Variants in KCTD3 observed in about 807,000 individuals in gnomAD.
The protein encoded by KCTD3 is potassium channel tetramerization domain containing 3.
A neutral mutation model predicts 85.8 loss-of-function variants in KCTD3; 41 were observed. The ratio of observed to expected loss-of-function variants is 0.48; its 90% CI spans 0.37 to 0.62. The LOEUF is 0.62. Among genes scored for constraint, KCTD3 ranks in the 20% least tolerant of loss-of-function variants. KCTD3 has a pLI of 0.00. For missense variants in KCTD3, 724 were observed against 989.9 expected (o/e 0.73, Z 3.60); for synonymous variants, 338 against 345.4 (o/e 0.98, Z 0.24).
intron 4 of KCTD3, among the ~76,000 whole-genome samples, chr1:215,576,756 G>A (rs1178949155): frequency 6.6e-6 from 1 of 151,892 alleles, no homozygotes; most frequent in African/African-American, 2.4e-5. Context: ...TTTTAGTAGA[G>A]ATGGGGTTTC....
chr1:215,618,216 T>G (rs948743527), intron 15 of KCTD3: 4 of 432,910 alleles, frequency 9.2e-6, no homozygotes, highest in Non-Finnish European at 2.0e-5. Context: ...ATACTTTGGT[T>G]TGTTTATTCC....
At chr1:215,600,147 G>GC (rs1654776802) in intron 10 of KCTD3, among the ~76,000 whole-genome samples, 1 of 152,060 alleles carries the variant, frequency 6.6e-6, no homozygotes, top group Non-Finnish European at 1.5e-5. Flanking sequence ...AAATGTTTTG[G>GC]CATTGGCTTT....
At chr1:215,615,134 T>TA (rs1655384991) in intron 15 of KCTD3, among the ~76,000 whole-genome samples, 1 of 152,186 alleles carries the variant, frequency 6.6e-6, no homozygotes, top group African/African-American at 2.4e-5. Context: ...AAGCTATAGT[T>TA]ACAAAAATAA....
intron 9 of KCTD3, among the ~76,000 whole-genome samples, chr1:215,591,514 C>T (rs931692130): frequency 6.6e-6 from 1 of 152,128 alleles, no homozygotes; most frequent in Non-Finnish European, 1.5e-5. Flanking sequence ...CATGCCACCA[C>T]GCCCAGCTAA....
In KCTD3 at chr1:215,619,311, A is replaced by T; in HGVS notation, c.1886+20A>T. The T allele has an allele frequency of 6.3e-7, 1 of 1,587,002 alleles. No individual in the cohort carries two copies. Among genetic ancestry groups the T allele is most frequent in the South Asian group, 1.1e-5 (1 of 87,852 alleles). On this transcript the variant is annotated intron_variant, in intron 17 of 17. Transcript: ENST00000259154. ...TTCTAGGTAGGTTAAAGAGTTGGGT[A>T]TTATAAACAAAATTTATTTCTTTTG...
At chr1:215,612,170 C>A (rs1655257636) in intron 15 of KCTD3, among the ~76,000 whole-genome samples, 1 of 152,046 alleles carries the variant, frequency 6.6e-6, no homozygotes, top group Non-Finnish European at 1.5e-5. Flanking sequence ...ACACAGTGAA[C>A]TTTTTTTCAT....
intron 10 of KCTD3, among the ~76,000 whole-genome samples, chr1:215,599,093 G>A (rs1003689583): frequency 2.0e-5 from 3 of 152,164 alleles, no homozygotes; most frequent in African/African-American, 7.2e-5. Context: ...ACCAGAAGAC[G>A]ACAACGGGCA....
Position 215,615,503 on chromosome 1 carries a change from C to T in KCTD3, c.1563-3383C>T, listed in dbSNP as rs1261765405. Among the ~76,000 whole-genome samples the T allele has an allele frequency of 2.0e-5, 3 of 151,986 alleles. No individual in the cohort carries two copies. The East Asian group carries it at 5.8e-4, about 29-fold the overall frequency. ...GGCGTGGTGGCGGGTGCCTGTAGTCCCAGCTACTTGGGAGGCTGAGGCAGG... is the reference window on the plus strand; with the variant it reads ...GGCGTGGTGGCGGGTGCCTGTAGTCTCAGCTACTTGGGAGGCTGAGGCAGG... On this transcript the variant is annotated intron_variant, in intron 15 of 17. Coordinates refer to ENST00000259154, the MANE Select transcript of KCTD3 (RefSeq NM_016121.5).
At chr1:215,580,137 C>A in intron 8 of KCTD3, 138 bp downstream of exon 8, 1 of 593,746 alleles carries the variant, frequency 1.7e-6, no homozygotes, top group Non-Finnish European at 3.0e-6. Context: ...ATGTCTGTAT[C>A]ATCTGATTAA....
intron 15 of KCTD3, among the ~76,000 whole-genome samples, chr1:215,617,793 GTA>G (rs1207299614): frequency 1.4e-5 from 2 of 145,184 alleles, no homozygotes; most frequent in African/African-American, 5.0e-5. Flanking sequence ...TATATATAAT[GTA>G]TATATATAAT....
At chr1:215,607,099 T>A (rs1483399920) in intron 13 of KCTD3, among the ~76,000 whole-genome samples, 2 of 151,926 alleles carry the variant, frequency 1.3e-5, no homozygotes, top group African/African-American at 4.8e-5. Flanking sequence ...ATTAAATTTC[T>A]TTCTAAAGTT....
At chr1:215,595,967 G>C (rs938153122) in intron 10 of KCTD3, among the ~76,000 whole-genome samples, 3 of 152,118 alleles carry the variant, frequency 2.0e-5, no homozygotes, top group African/African-American at 7.2e-5. Context: ...AGATAACAGT[G>C]GTTGCTAAAA....
intron 8 of KCTD3, among the ~76,000 whole-genome samples, chr1:215,584,995 G>A (rs1014878223): frequency 6.6e-5 from 10 of 152,138 alleles, no homozygotes; most frequent in African/African-American, 1.2e-4. Context: ...AATTGGTGCT[G>A]CAGTCTATTT....
At position 215,620,627 on chromosome 1, in the gene KCTD3, C is replaced by A; in HGVS notation, c.*9C>A. ...AGGAGTACAGCTTGTGAAAACTCAC[C>A]AAAATGAATAGTTGTTTCGTTACAT... On this transcript the variant is annotated 3_prime_UTR_variant, in exon 18 of 18. Transcript: ENST00000259154. The A allele has an allele frequency of 6.5e-7, 1 of 1,536,472 alleles. No homozygotes were observed. Among genetic ancestry groups the A allele is most frequent in the Non-Finnish European group, 8.8e-7 (1 of 1,136,794 alleles).
At chr1:215,608,434 CAT>C (rs1655113847) in intron 14 of KCTD3, among the ~76,000 whole-genome samples, 1 of 151,362 alleles carries the variant, frequency 6.6e-6, no homozygotes. Flanking sequence ...GTCATCTTCA[CAT>C]GTTAACTACT....
At chr1:215,592,885 C>T (rs1443209784) in intron 9 of KCTD3, among the ~76,000 whole-genome samples, 2 of 152,174 alleles carry the variant, frequency 1.3e-5, no homozygotes, top group African/African-American at 4.8e-5. Flanking sequence ...CTGGTCATTA[C>T]TTCTGTTGTC....
chr1:215,569,125 C>CTTT (rs397964441), intron 1 of KCTD3, among the ~76,000 whole-genome samples: 2,468 of 139,020 alleles, frequency 0.018, 81 homozygotes, highest in African/African-American at 0.061. Context: ...CTTTAATTTT[C>CTTT]TTTTTTTTTT....
At chr1:215,617,402 T>A (rs2102608552) in intron 15 of KCTD3, among the ~76,000 whole-genome samples, 1 of 152,266 alleles carries the variant, frequency 6.6e-6, no homozygotes, top group Non-Finnish European at 1.5e-5. Context: ...ACCCGTGTGA[T>A]ATGACAGATA....
chr1:215,601,998 T>G, intron 11 of KCTD3, 44 bp downstream of exon 11: 1 of 1,423,742 alleles, frequency 7.0e-7, no homozygotes, highest in Non-Finnish European at 9.8e-7. Flanking sequence ...AATGTAATTT[T>G]TTAAATGAGA....
Sources: allele counts gnomAD v4.1 joint callset (sites outside exome capture counted in the v4.1 genomes callset), GRCh38; gene constraint gnomAD v4.1.1; transcripts MANE v1.5; gene names NCBI Gene and HGNC (gene_info 2026-07-23, HGNC 2026-07-21).